Variants in HOXA5 observed in about 807,000 individuals in gnomAD.
The protein encoded by HOXA5 is homeobox protein Hox-A5.
HOXA5 carries 12 observed loss-of-function variants against 20.0 expected under a neutral mutation model. The observed-to-expected ratio is 0.60, with a 90% CI of 0.38 to 0.97. The LOEUF is 0.97. Ranked by LOEUF, HOXA5 falls within the 50% of genes least tolerant of loss-of-function variation. The pLI, the probability that HOXA5 is intolerant of heterozygous loss-of-function variation, is 0.00. For missense variants in HOXA5, 352 were observed against 380.3 expected, an observed-to-expected ratio of 0.93 and a Z score of 0.62; for synonymous variants, 159 against 157.7, an observed-to-expected ratio of 1.01 and a Z score of -0.06.
Position 27,142,011 on chromosome 7 carries a change from C to A in HOXA5, c.637G>T (p.Glu213Ter). ...TRYQTLELEK[E>*]FHFNRYLTRR... The stretch of plus-strand genomic sequence containing the variant: ...GTCAGGTAACGGTTGAAGTGGAACT[C>A]CTTCTCCAGCTCCAGGGTCTGGTAG... Residue 213 changes from glutamate to a stop codon, truncating the protein, a stop_gained, in exon 2 of 2, where the codon GAG becomes TAG. Coordinates refer to ENST00000222726, the MANE Select transcript of HOXA5 (RefSeq NM_019102.4). LOFTEE classifies it high-confidence loss of function. The A allele has an allele frequency of 6.2e-7, 1 of 1,614,226 alleles. No individual in the cohort carries two copies. The highest frequency in any genetic ancestry group is 1.6e-4 in the Middle Eastern group (1 of 6,062).
Position 27,143,554 on chromosome 7 carries a change from G to T in HOXA5, c.54C>A (p.Asp18Glu). ...SFCGRYPNGPDYQLHNYGDHS... is the reference protein window; with the variant it reads ...SFCGRYPNGPEYQLHNYGDHS... ...GATCTCCATAATTATGCAACTGGTA[G>T]TCCGGGCCATTTGGATAGCGACCGC... Residue 18 changes from aspartate (D) to glutamate (E), a missense_variant, in exon 1 of 2, where the codon GAC (aspartate) becomes GAA (glutamate). Transcript: ENST00000222726. 6.2e-7 allele frequency: 1 copy of T among 1,608,210 alleles called. No homozygotes were observed. The highest frequency in any genetic ancestry group is 8.5e-7 in the Non-Finnish European group (1 of 1,177,586).
In HOXA5 at chr7:27,143,378, G is replaced by T. The variant is rs774919421; in HGVS notation, c.230C>A (p.Ala77Asp). The part of the protein sequence containing the change: ...GERARSYAAS[A>D]SAAPAEPRYS... ...CCTGGGCTCGGCGGGCGCCGCGCTG[G>T]CGCTGGCAGCGTAGCTGCGGGCGCG... The change falls in exon 1 of 2, where the codon GCC becomes GAC. Residue 77 changes from alanine (A) to aspartate (D), a missense_variant. Transcript: ENST00000222726. The T allele has an allele frequency of 1.3e-6, 2 of 1,594,822 alleles. No homozygotes were observed. Among genetic ancestry groups the T allele is most frequent in the African/African-American group, 1.3e-5 (1 of 74,412 alleles).
Position 27,143,026 on chromosome 7 carries a change from T to G in HOXA5, c.562+20A>C. The G allele has an allele frequency of 6.7e-7, 1 of 1,496,766 alleles. No individual in the cohort carries two copies. The highest frequency in any genetic ancestry group is 1.4e-5 in the South Asian group (1 of 72,498). The allele number at this position is 1,496,766 out of a possible 1,614,324, so 92.7% of individuals were successfully genotyped here. On this transcript the variant is annotated intron_variant, in intron 1 of 1. Coordinates refer to ENST00000222726, the MANE Select transcript of HOXA5 (RefSeq NM_019102.4). ...CCGCGTCCCCGCGGTCGCGTGGATT[T>G]AGAAAAAGGCTGGCTTTACCATGAC... is the stretch of plus-strand genomic sequence containing the variant.
chr7:27,141,758 A>C lies in HOXA5; in HGVS notation c.*77T>G, dbSNP rs1782575587. ...CTTCTTCACAGAAGGAACACAAGGG[A>C]GTTTCAGAAAGTCACCTTAGTACTG... On this transcript the variant is annotated 3_prime_UTR_variant, in exon 2 of 2. Transcript: ENST00000222726. 3.3e-6 allele frequency: 5 copies of C among 1,529,266 alleles called. No individual in the cohort carries two copies. Among genetic ancestry groups the C allele is most frequent in the Non-Finnish European group, 4.4e-6 (5 of 1,129,888 alleles). The allele number at this position is 1,529,266 out of a possible 1,614,324, so 94.7% of individuals were successfully genotyped here.
Position 27,143,389 on chromosome 7 carries a change from G to A in HOXA5, c.219C>T (p.Tyr73=). 2 of 1,602,650 alleles carry A rather than the reference G, an allele frequency of 1.2e-6. No homozygotes were observed. The highest frequency in any genetic ancestry group is 1.7e-6 in the Non-Finnish European group (2 of 1,176,666). The change falls in exon 1 of 2, where the codon TAC becomes TAT. Residue 73 remains tyrosine, a synonymous_variant. Transcript: ENST00000222726. The stretch of plus-strand genomic sequence containing the variant: ...CGGGCGCCGCGCTGGCGCTGGCAGC[G>A]TAGCTGCGGGCGCGCTCTCCGGAGC... ...HFGSGERARS[Y]AASASAAPAE... is the part of the protein sequence containing the mutation.
Position 27,143,114 on chromosome 7 carries a change from T to C in HOXA5, c.494A>G (p.Glu165Gly), listed in dbSNP as rs1021811483. 1 of 1,587,732 alleles carries C rather than the reference T, an allele frequency of 6.3e-7. No individual in the cohort carries two copies. Among genetic ancestry groups the C allele is most frequent in the Non-Finnish European group, 8.5e-7 (1 of 1,170,726 alleles). ...TTGGGCGGGCGGCGCCGGGCTCGGC[T>C]CGCTCTGCGCACTCGCCTGCTCGCT... ...ASSEQASAQS[E>G]PSPAPPAQPQ... The change falls in exon 1 of 2, where the codon GAG becomes GGG. Residue 165 changes from glutamate to glycine, a missense_variant. By Grantham distance (98) the Glu-to-Gly change is moderately conservative. Coordinates refer to ENST00000222726, the MANE Select transcript of HOXA5 (RefSeq NM_019102.4).
Position 27,141,867 on chromosome 7 carries a change from T to A in HOXA5, c.781A>T (p.Met261Leu), listed in dbSNP as rs765458656. The change falls in exon 2 of 2, where the codon ATG becomes TTG. Residue 261 changes from methionine to leucine, a missense_variant. Physicochemically the swap from Met to Leu is conservative, Grantham distance 15 (BLOSUM62 2). Around this residue, in one of 3 missense-constraint regions of HOXA5, gnomAD observed 30 missense variants for 26.0 expected, o/e 1.15. Transcript: ENST00000222726. ...KKDNKLKSMS[M>L]AAAGGAFRP ...CGGAAGGCCCCTCCTGCCGCGGCCA[T>A]GCTCATGCTTTTCAGCTTATTATCT... 1 of 1,614,246 alleles carries A rather than the reference T, an allele frequency of 6.2e-7. No homozygotes were observed.
In HOXA5 at chr7:27,141,770, T is replaced by C. The variant is rs1782575750; in HGVS notation, c.*65A>G. ...AGGAACACAAGGGAGTTTCAGAAAG[T>C]CACCTTAGTACTGACACTACGCGGG... On this transcript the variant is annotated 3_prime_UTR_variant, in exon 2 of 2. Transcript: ENST00000222726. 6.5e-7 allele frequency: 1 copy of C among 1,549,342 alleles called. No individual in the cohort carries two copies.
In HOXA5 at chr7:27,143,415, C is replaced by T; in HGVS notation, c.193G>A (p.Gly65Ser). Reference protein sequence around the residue: ...SVGRSGSGHFGSGERARSYAA... With the variant: ...SVGRSGSGHFSSGERARSYAA... ...TAGCTGCGGGCGCGCTCTCCGGAGC[C>T]AAAGTGGCCGGAGCCCGAGCGGCCG... Residue 65 changes from glycine (G) to serine (S), a missense_variant, in exon 1 of 2, where the codon GGC (glycine) becomes AGC (serine). Physicochemically the swap from Gly to Ser is moderately conservative, Grantham distance 56. Coordinates refer to ENST00000222726, the MANE Select transcript of HOXA5 (RefSeq NM_019102.4). 1 of 1,611,740 alleles carries T rather than the reference C, an allele frequency of 6.2e-7. No individual in the cohort carries two copies. The highest frequency in any genetic ancestry group is 2.2e-5 in the East Asian group (1 of 44,800).
chr7:27,143,409 C>G lies in HOXA5; in HGVS notation c.199G>C (p.Gly67Arg). The G allele has an allele frequency of 6.2e-7, 1 of 1,610,842 alleles. No homozygotes were observed. Among genetic ancestry groups the G allele is most frequent in the Non-Finnish European group, 8.5e-7 (1 of 1,179,324 alleles). ...GCAGCGTAGCTGCGGGCGCGCTCTC[C>G]GGAGCCAAAGTGGCCGGAGCCCGAG... ...GRSGSGHFGS[G>R]ERARSYAASA... The change falls in exon 1 of 2, where the codon GGA (glycine) becomes CGA (arginine). Residue 67 changes from glycine to arginine, a missense_variant. Gly to Arg is a moderately radical substitution (Grantham distance 125). Around this residue, in one of 3 missense-constraint regions of HOXA5, gnomAD observed 319 missense variants for 336.5 expected, o/e 0.95. Transcript: ENST00000222726.
In HOXA5 at chr7:27,143,364, C is replaced by T. The variant is rs776598451; in HGVS notation, c.244G>A (p.Ala82Thr). ...SYAASASAAP[A>T]EPRYSQPATS... Reference sequence around the variant, plus strand: ...GCCGGCTGGCTGTACCTGGGCTCGGCGGGCGCCGCGCTGGCGCTGGCAGCG... The same window carrying T: ...GCCGGCTGGCTGTACCTGGGCTCGGTGGGCGCCGCGCTGGCGCTGGCAGCG... Residue 82 changes from alanine to threonine, a missense_variant, in exon 1 of 2, where the codon GCC becomes ACC. By Grantham distance (58) the Ala-to-Thr change is moderately conservative (BLOSUM62 0). Transcript: ENST00000222726. The T allele has an allele frequency of 2.5e-6, 4 of 1,583,334 alleles. No individual in the cohort carries two copies. The highest frequency in any genetic ancestry group is 3.4e-6 in the Non-Finnish European group (4 of 1,168,842).
Position 27,143,668 on chromosome 7 carries a change from C to A in HOXA5, c.-61G>T. The stretch of plus-strand genomic sequence containing the variant: ...CGGTCGTTTGTGCGTCTATAGCACC[C>A]TTGCACAATTTATGATGAATTATGG... On this transcript the variant is annotated 5_prime_UTR_variant, in exon 1 of 2. The change creates a new upstream start codon in the 5' untranslated region. Transcript: ENST00000222726. The A allele has an allele frequency of 1.3e-6, 2 of 1,524,138 alleles. No homozygotes were observed. The highest frequency in any genetic ancestry group is 8.8e-7 in the Non-Finnish European group (1 of 1,135,164). 94.4% of individuals were successfully genotyped at this position (1,524,138 alleles called of 1,614,324 possible). A position where few individuals can be genotyped will look rare whatever the true frequency, so the allele number is the denominator to read the frequency against.
chr7:27,143,416 A>G lies in HOXA5; in HGVS notation c.192T>C (p.Phe64=). The part of the protein sequence containing the change: ...LSVGRSGSGH[F]GSGERARSYA... ...AGCTGCGGGCGCGCTCTCCGGAGCC[A>G]AAGTGGCCGGAGCCCGAGCGGCCGA... Residue 64 remains phenylalanine (F), a synonymous_variant, in exon 1 of 2, where the codon TTT becomes TTC. Transcript: ENST00000222726. 2 of 1,611,926 alleles carry G rather than the reference A, an allele frequency of 1.2e-6. No homozygotes were observed. Among genetic ancestry groups the G allele is most frequent in the Non-Finnish European group, 1.7e-6 (2 of 1,179,530 alleles).
Position 27,143,268 on chromosome 7 carries a change from T to A in HOXA5, c.340A>T (p.Ser114Cys). 2 of 1,607,076 alleles carry A rather than the reference T, an allele frequency of 1.2e-6. No homozygotes were observed. Among genetic ancestry groups the A allele is most frequent in the Non-Finnish European group, 1.7e-6 (2 of 1,178,426 alleles). Residue 114 changes from serine to cysteine, a missense_variant, in exon 1 of 2, where the codon AGC (serine) becomes TGC (cysteine). By Grantham distance (112) the Ser-to-Cys change is moderately radical. Coordinates refer to ENST00000222726, the MANE Select transcript of HOXA5 (RefSeq NM_019102.4). The stretch of plus-strand genomic sequence containing the variant: ...AGGGAGTTTTTCCCGCCGTGGTGGC[T>A]GTCGCTGCCGGGCGAGGGGGCCACG... ...SAVAPSPGSD[S>C]HHGGKNSLSN...
rs747386039 is a variant in HOXA5 at position 27,141,836 on chromosome 7, CAG to C, written c.810_811del (p.Ter271SerfsTer3). On this transcript the variant is annotated frameshift_variant and stop_lost, in exon 2 of 2. Transcript: ENST00000222726. LOFTEE classifies it high-confidence loss of function. Reference sequence around the variant, plus strand: ...TCAGTACTTTAAACGCTCAGATACTCAGGGACGGAAGGCCCCTCCTGCCGCGG... The same window carrying C: ...TCAGTACTTTAAACGCTCAGATACTCGGACGGAAGGCCCCTCCTGCCGCGG... The C allele has an allele frequency of 1.2e-6, 2 of 1,613,714 alleles. No individual in the cohort carries two copies. The highest frequency in any genetic ancestry group is 4.5e-5 in the East Asian group (2 of 44,886).
rs145906139 is a variant in HOXA5, at chr7:27,143,520, C to T, written c.88G>A (p.Val30Met). Residue 30 changes from valine (V) to methionine (M), a missense_variant, in exon 1 of 2, where the codon GTG becomes ATG. By Grantham distance (21) the Val-to-Met change is conservative (BLOSUM62 1). This residue lies in a region of HOXA5 where 319 missense variants were observed against 336.5 expected (regional missense o/e 0.95). Transcript: ENST00000222726. ...QLHNYGDHSS[V>M]SEQFRDSASM... Reference sequence around the variant, plus strand: ...GCCGAGTCCCTGAATTGCTCGCTCACGGAACTATGATCTCCATAATTATGC... The same window carrying T: ...GCCGAGTCCCTGAATTGCTCGCTCATGGAACTATGATCTCCATAATTATGC... 7.4e-5 allele frequency: 119 copies of T among 1,613,772 alleles called. 1 individual carries two copies. The African/African-American group carries it at 1.4e-3, about 19-fold the overall frequency.
rs757360010 is a variant in HOXA5, at chr7:27,143,518, C to G, written c.90G>C (p.Val30=). 2.5e-6 allele frequency: 4 copies of G among 1,613,840 alleles called. No individual in the cohort carries two copies. The Admixed American group carries it at 6.7e-5, about 27-fold the overall frequency. ...QLHNYGDHSS[V]SEQFRDSASM... is the part of the protein sequence containing the mutation. ...TCGCCGAGTCCCTGAATTGCTCGCT[C>G]ACGGAACTATGATCTCCATAATTAT... The change falls in exon 1 of 2, where the codon GTG becomes GTC. Residue 30 remains valine, a synonymous_variant. Coordinates refer to ENST00000222726, the MANE Select transcript of HOXA5 (RefSeq NM_019102.4).
chr7:27,141,954 G>C lies in HOXA5; in HGVS notation c.694C>G (p.Leu232Val), dbSNP rs1178755278. ...RRRRIEIAHA[L>V]CLSERQIKIW... ...TTAATTTGTCTCTCGGAGAGGCAAA[G>C]AGCATGTGCTATTTCAATCCTCCTT... Residue 232 changes from leucine to valine, a missense_variant, in exon 2 of 2, where the codon CTT (leucine) becomes GTT (valine). Coordinates refer to ENST00000222726, the MANE Select transcript of HOXA5 (RefSeq NM_019102.4). 1.2e-6 allele frequency: 2 copies of C among 1,614,112 alleles called. No homozygotes were observed. Among genetic ancestry groups the C allele is most frequent in the African/African-American group, 1.3e-5 (1 of 74,934 alleles).
intron 1 of HOXA5, 30 bp downstream of exon 1, chr7:27,143,016 C>A: frequency 6.7e-7 from 1 of 1,493,070 alleles, no homozygotes; most frequent in South Asian, 1.4e-5. Context: ...TCCCCGCGGT[C>A]GCGTGGATTT....
Sources: allele counts gnomAD v4.1 joint callset, GRCh38; gene constraint gnomAD v4.1.1; regional missense constraint gnomAD v4.1.1; transcripts MANE v1.5; gene names NCBI Gene and HGNC (gene_info 2026-07-23, HGNC 2026-07-21).